Variants in APPBP2 observed in about 807,000 individuals in gnomAD.
APPBP2 encodes amyloid protein-binding protein 2.
In APPBP2, 15 loss-of-function variants were observed where a neutral mutation model predicts 76.0. The ratio of observed to expected loss-of-function variants is 0.20; its 90% CI spans 0.13 to 0.30. The LOEUF (loss-of-function observed/expected upper bound fraction) is 0.30, where lower values mean the gene tolerates loss of function less well. Among genes scored for constraint, APPBP2 ranks in the 10% least tolerant of loss-of-function variants. The pLI is 1.00. For synonymous variants in APPBP2, 222 were observed against 242.2 expected, an observed-to-expected ratio of 0.92 and a Z score of 0.77; for missense variants, 401 against 687.2, an observed-to-expected ratio of 0.58 and a Z score of 4.66.
Position 60,479,273 on chromosome 17 carries a change from T to TA in APPBP2, c.380-3dup, listed in dbSNP as rs757444060. 3 of 1,587,786 alleles carry TA rather than the reference T, an allele frequency of 1.9e-6. No homozygotes were observed. The highest frequency in any genetic ancestry group is 1.2e-5 in the South Asian group (1 of 85,398). On this transcript the variant is annotated splice_polypyrimidine_tract_variant and splice_region_variant and intron_variant, in intron 3 of 12. Transcript: ENST00000083182. ...AGCCTGCATCTGAAAGAAAGCCACC[T>TA]AAAAAAATAAGAAACACCAATTTTA...
At chr17:60,468,914 T>G (rs1253295344) in intron 4 of APPBP2, among the ~76,000 whole-genome samples, 7 of 152,218 alleles carry the variant, frequency 4.6e-5, no homozygotes, top group African/African-American at 1.7e-4. Flanking sequence ...TATACAAATG[T>G]GTAAGTCATT....
chr17:60,515,048 C>T (rs2090951481), intron 1 of APPBP2, among the ~76,000 whole-genome samples: 1 of 151,828 alleles, frequency 6.6e-6, no homozygotes, highest in African/African-American at 2.4e-5. Context: ...AAGTAATCCA[C>T]CCACCTCGGC....
chr17:60,501,669 A>G (rs1206805387), intron 1 of APPBP2, among the ~76,000 whole-genome samples: 1 of 152,216 alleles, frequency 6.6e-6, no homozygotes, highest in Non-Finnish European at 1.5e-5. Context: ...TGCTATATAA[A>G]TAATACAGTG....
chr17:60,480,555 T>C (rs995580423), intron 3 of APPBP2, among the ~76,000 whole-genome samples: 11 of 149,840 alleles, frequency 7.3e-5, no homozygotes, highest in Admixed American at 1.3e-4. Context: ...TAAAACTACA[T>C]GTAATTAAGC....
At chr17:60,449,666 GA>G (rs1400307008) in intron 12 of APPBP2, among the ~76,000 whole-genome samples, 1 of 150,786 alleles carries the variant, frequency 6.6e-6, no homozygotes, top group African/African-American at 2.5e-5. Flanking sequence ...TCCATATGGG[GA>G]AAAAAATTGA....
chr17:60,500,225 A>T (rs544345560), intron 2 of APPBP2, among the ~76,000 whole-genome samples, 174 bp downstream of exon 2: 8 of 152,096 alleles, frequency 5.3e-5, no homozygotes, highest in East Asian at 1.9e-4. Flanking sequence ...TTAGCCAGGA[A>T]GGTCTCGATC....
intron 1 of APPBP2, among the ~76,000 whole-genome samples, chr17:60,518,015 C>T (rs556950373): frequency 6.6e-6 from 1 of 150,538 alleles, no homozygotes. Context: ...TGCCCTTCAT[C>T]TGTCAAATGC....
chr17:60,464,140 A>C, intron 5 of APPBP2, 30 bp from the exon 6 acceptor site: 1 of 1,542,236 alleles, frequency 6.5e-7, no homozygotes, highest in Non-Finnish European at 8.9e-7. Flanking sequence ...AAGAGACAGA[A>C]CTGTGGTTAA....
intron 10 of APPBP2, among the ~76,000 whole-genome samples, chr17:60,455,900 C>T (rs1479170614): frequency 6.6e-6 from 1 of 152,120 alleles, no homozygotes; most frequent in Non-Finnish European, 1.5e-5. Flanking sequence ...GCCTCAGCCT[C>T]CCAAGTAGCT....
intron 1 of APPBP2, among the ~76,000 whole-genome samples, chr17:60,508,320 T>A (rs377240549): frequency 6.6e-6 from 1 of 152,284 alleles, no homozygotes; most frequent in East Asian, 1.9e-4. Flanking sequence ...CTTCTAGCAA[T>A]ATGGCACATA....
At chr17:60,448,737 A>G (rs1009976884) in intron 12 of APPBP2, among the ~76,000 whole-genome samples, 2 of 152,232 alleles carry the variant, frequency 1.3e-5, no homozygotes, top group South Asian at 2.1e-4. Context: ...TCTTTTGTGT[A>G]TGATAGGGAA....
chr17:60,505,690 T>G lies in APPBP2; in HGVS notation c.139-5203A>C, dbSNP rs1367892180. Among the ~76,000 whole-genome samples, 7 of 142,058 alleles carry G rather than the reference T, an allele frequency of 4.9e-5. 1 individual carries two copies. Among genetic ancestry groups the G allele is most frequent in the South Asian group, 4.6e-4 (2 of 4,388 alleles). The allele number at this position is 142,058 out of a possible 152,430, so 93.2% of individuals were successfully genotyped here. A position where few individuals can be genotyped will look rare whatever the true frequency, so the allele number is the denominator to read the frequency against. ...TGACCCCTGCGGTTTTTTTTTTTTT[T>G]TTTTTTTTTTTTTGAGATGGAGTTT... On this transcript the variant is annotated intron_variant, in intron 1 of 12. Transcript: ENST00000083182.
chr17:60,476,381 C>T (rs1221179757), intron 4 of APPBP2, among the ~76,000 whole-genome samples: 1 of 152,066 alleles, frequency 6.6e-6, no homozygotes, highest in African/African-American at 2.4e-5. Context: ...ATCTGTTGTG[C>T]AAAACACTTC....
At chr17:60,472,459 G>A (rs1567925104) in intron 4 of APPBP2, among the ~76,000 whole-genome samples, 2 of 152,180 alleles carry the variant, frequency 1.3e-5, no homozygotes, top group Non-Finnish European at 2.9e-5. Context: ...ACTGTTCATA[G>A]GATTCACCTT....
At chr17:60,481,556 T>G (rs547107153) in intron 3 of APPBP2, among the ~76,000 whole-genome samples, 103 of 152,370 alleles carry the variant, frequency 6.8e-4, no homozygotes, top group African/African-American at 2.4e-3. Context: ...CTTAATTTTA[T>G]TTGGTTCTTA....
Position 60,500,381 on chromosome 17 carries a change from T to C in APPBP2, c.227+18A>G, listed in dbSNP as rs747803651. On this transcript the variant is annotated intron_variant, in intron 2 of 12. Transcript: ENST00000083182. ...TTTATGTTATGTATATTTTACAATT[T>C]TTTAAAAAAGAATTTACCTTTTATC... 6.5e-7 allele frequency: 1 copy of C among 1,535,142 alleles called. No individual in the cohort carries two copies. Among genetic ancestry groups the C allele is most frequent in the Admixed American group, 2.0e-5 (1 of 51,168 alleles).
At chr17:60,463,102 T>C (rs2090488265) in intron 6 of APPBP2, among the ~76,000 whole-genome samples, 1 of 152,224 alleles carries the variant, frequency 6.6e-6, no homozygotes, top group African/African-American at 2.4e-5. Context: ...GCTGTTTACT[T>C]ACTCTAAAAT....
At chr17:60,454,237 A>G in intron 11 of APPBP2, 65 bp downstream of exon 11, 1 of 1,213,328 alleles carries the variant, frequency 8.2e-7, no homozygotes, top group Non-Finnish European at 1.1e-6. Context: ...CTTACTTAAA[A>G]TTTATTATTT....
At chr17:60,472,853 T>A (rs1335652525) in intron 4 of APPBP2, among the ~76,000 whole-genome samples, 1 of 152,240 alleles carries the variant, frequency 6.6e-6, no homozygotes, top group Non-Finnish European at 1.5e-5. Context: ...ACTGCTTATG[T>A]AGGTGGCTCC....
Sources: allele counts gnomAD v4.1 joint callset (sites outside exome capture counted in the v4.1 genomes callset), GRCh38; gene constraint gnomAD v4.1.1; transcripts MANE v1.5; gene names NCBI Gene and HGNC (gene_info 2026-07-23, HGNC 2026-07-21).